STOX2: variants seen among roughly 807,000 people sequenced by gnomAD.
The protein encoded by STOX2 is storkhead-box protein 2.
In STOX2, 28 loss-of-function variants were observed where a neutral mutation model predicts 60.9. That is an observed-to-expected ratio of 0.46 (90% CI 0.34 to 0.63). The LOEUF (loss-of-function observed/expected upper bound fraction) is 0.63, where lower values mean the gene tolerates loss of function less well. Among genes scored for constraint, STOX2 ranks in the 30% least tolerant of loss-of-function variants. The probability of loss-of-function intolerance (pLI) is 0.01; values close to 1 mark genes in which losing one functional copy is unlikely to be tolerated. For missense variants in STOX2, 1,024 were observed against 1,187.7 expected (o/e 0.86, Z 2.03); for synonymous variants, 472 against 463.9 (o/e 1.02, Z -0.22).
intron 1 of STOX2, among the ~76,000 whole-genome samples, chr4:183,933,666 G>T (rs755774346): frequency 6.6e-6 from 1 of 152,182 alleles, no homozygotes; most frequent in Non-Finnish European, 1.5e-5. Context: ...TAGGATTACA[G>T]GTGTGAGCCA....
At chr4:184,000,137 T>C (rs1048789923) in intron 1 of STOX2, among the ~76,000 whole-genome samples, 1 of 152,134 alleles carries the variant, frequency 6.6e-6, no homozygotes, top group African/African-American at 2.4e-5. Flanking sequence ...GGCACCCAGG[T>C]GTCAGGAGCG....
At chr4:183,808,967 T>C (rs1561101342) in intron 1 of STOX2, among the ~76,000 whole-genome samples, 1 of 152,246 alleles carries the variant, frequency 6.6e-6, no homozygotes, top group Admixed American at 6.5e-5. Flanking sequence ...TTGCTTTGAA[T>C]TGTTTTTCTA....
intron 1 of STOX2, among the ~76,000 whole-genome samples, chr4:183,874,698 G>A (rs576635570): frequency 2.2e-3 from 338 of 151,142 alleles, no homozygotes; most frequent in African/African-American, 7.9e-3. Flanking sequence ...AGGCCGAGGC[G>A]GGCGGATCAC....
chr4:183,799,201 GCTTT>G (rs1738704576), intron 1 of STOX2, among the ~76,000 whole-genome samples: 1 of 152,180 alleles, frequency 6.6e-6, no homozygotes, highest in African/African-American at 2.4e-5. Context: ...TCTTTACAAA[GCTTT>G]CTTTGACTTG....
At chr4:184,005,903 G>A (rs1478050457) in intron 2 of STOX2, among the ~76,000 whole-genome samples, 1 of 152,182 alleles carries the variant, frequency 6.6e-6, no homozygotes, top group Non-Finnish European at 1.5e-5. Context: ...AACATTATTT[G>A]ATGGATATAC....
intron 1 of STOX2, among the ~76,000 whole-genome samples, chr4:183,877,105 T>C (rs998052426): frequency 5.9e-5 from 9 of 152,190 alleles, no homozygotes; most frequent in Admixed American, 2.6e-4. Flanking sequence ...AAAAATATGA[T>C]GAGGACCAAA....
intron 1 of STOX2, among the ~76,000 whole-genome samples, chr4:183,960,477 A>G (rs1361629067): frequency 6.6e-6 from 1 of 152,238 alleles, no homozygotes; most frequent in Non-Finnish European, 1.5e-5. Flanking sequence ...TGTATGCTGC[A>G]TAGAGAATCT....
At position 183,806,240 on chromosome 4, in the gene STOX2, C is replaced by G. The variant is rs773977644; in HGVS notation, c.364+8185C>G. On this transcript the variant is annotated intron_variant, in intron 1 of 2. Transcript: ENST00000513034. The surrounding 1 kb of genome is among the most constrained non-coding windows in gnomAD (Gnocchi z 4.1). ...TGTAATAATTTTCTAAAGTGACAGC[C>G]CATCTGTCAGTGTAAAATGACTTGC... Among the ~76,000 whole-genome samples the G allele has an allele frequency of 9.9e-5, 15 of 152,150 alleles. No homozygotes were observed. Among genetic ancestry groups the G allele is most frequent in the Non-Finnish European group, 1.8e-4 (12 of 68,042 alleles).
upstream of STOX2, among the ~76,000 whole-genome samples, chr4:183,904,079 C>A (rs1418578762): frequency 6.6e-6 from 1 of 152,156 alleles, no homozygotes; most frequent in Non-Finnish European, 1.5e-5. Flanking sequence ...ATAAGGAGCA[C>A]GCAACCCAGA....
chr4:184,001,808 G>A lies in STOX2; in HGVS notation c.319+331G>A, dbSNP rs1733607333. ...AATACATGAACGTGAGGGTTCAACG[G>A]CTGAAAACTTTAGTCCTAGGGAGTT... On this transcript the variant is annotated intron_variant, in intron 2 of 3. Coordinates refer to ENST00000308497, the MANE Select transcript of STOX2 (RefSeq NM_020225.3). This position sits in a 1 kb window ranked among gnomAD's most constrained non-coding sequence, Gnocchi z 4.2. Among the ~76,000 whole-genome samples, 3 of 152,068 alleles carry A rather than the reference G, an allele frequency of 2.0e-5. No homozygotes were observed. The highest frequency in any genetic ancestry group is 7.2e-5 in the African/African-American group (3 of 41,380).
At chr4:183,894,241 G>A (rs917042301) in intron 1 of STOX2, among the ~76,000 whole-genome samples, 2 of 152,186 alleles carry the variant, frequency 1.3e-5, no homozygotes, top group African/African-American at 4.8e-5. Context: ...GCGAACTACA[G>A]TTATATTATA....
At chr4:184,015,144 C>T (rs1330047840) in intron 3 of STOX2, 1 of 152,190 alleles carries the variant, frequency 6.6e-6, no homozygotes, top group Non-Finnish European at 1.5e-5. Flanking sequence ...TACATCCCAT[C>T]ATAACTCTCT....
At chr4:183,936,187 C>T (rs1742584401) in intron 1 of STOX2, among the ~76,000 whole-genome samples, 1 of 151,694 alleles carries the variant, frequency 6.6e-6, no homozygotes, top group Non-Finnish European at 1.5e-5. Context: ...CTGCAGTCTT[C>T]CTCCAAGCCT....
intron 1 of STOX2, among the ~76,000 whole-genome samples, chr4:183,969,916 C>G (rs1363824033): frequency 6.6e-6 from 1 of 152,122 alleles, no homozygotes; most frequent in Admixed American, 6.5e-5. Context: ...GCCACCACAC[C>G]CTGCCATGGT....
intron 2 of STOX2, among the ~76,000 whole-genome samples, chr4:184,002,613 C>T (rs80129885): frequency 0.14 from 21,803 of 152,152 alleles, 2,094 homozygotes; most frequent in East Asian, 0.35. Flanking sequence ...CCTTCACTTG[C>T]GGGATGGCAG....
At chr4:183,929,505 A>G (rs937521409) in intron 1 of STOX2, among the ~76,000 whole-genome samples, 2 of 152,200 alleles carry the variant, frequency 1.3e-5, no homozygotes, top group African/African-American at 4.8e-5. Flanking sequence ...ATTTATAACA[A>G]TAACCGATTG....
chr4:184,021,264 G>A lies in STOX2; in HGVS notation c.*3980G>A, dbSNP rs1047755742. The A allele has an allele frequency of 2.6e-5, 4 of 152,114 alleles. No homozygotes were observed. The highest frequency in any genetic ancestry group is 4.8e-5 in the African/African-American group (2 of 41,416). 9.4% of individuals were successfully genotyped at this position (152,114 alleles called of 1,614,324 possible). A position where few individuals can be genotyped will look rare whatever the true frequency, so the allele number is the denominator to read the frequency against. On this transcript the variant is annotated 3_prime_UTR_variant, in exon 4 of 4. Transcript: ENST00000308497. ...TCTTTGTAATACGCATACTTACAAC[G>A]AATTAACAAAAGGAGTGACTTAAGA...
intron 1 of STOX2, among the ~76,000 whole-genome samples, chr4:183,913,760 G>A (rs1414047454): frequency 2.0e-5 from 3 of 152,026 alleles, no homozygotes; most frequent in African/African-American, 7.2e-5. Flanking sequence ...GACAGAGCCA[G>A]ACTTTGTCTG....
At chr4:183,913,128 T>C (rs62339675) in intron 1 of STOX2, among the ~76,000 whole-genome samples, 13,586 of 151,984 alleles carry the variant, frequency 0.089, 653 homozygotes, top group East Asian at 0.14. Flanking sequence ...AGTGGGTCGA[T>C]TTGAAGAGAT....
Sources: allele counts gnomAD v4.1 joint callset (sites outside exome capture counted in the v4.1 genomes callset), GRCh38; gene constraint gnomAD v4.1.1; non-coding constraint Gnocchi (gnomAD v3.1); transcripts MANE v1.5; gene names NCBI Gene and HGNC (gene_info 2026-07-23, HGNC 2026-07-21).